MYH13: variants seen among roughly 807,000 people sequenced by gnomAD.
MYH13 encodes the protein myosin heavy chain 13.
A neutral mutation model predicts 232.1 loss-of-function variants in MYH13; 177 were observed. The observed-to-expected ratio is 0.76, with a 90% CI of 0.67 to 0.86. The LOEUF (loss-of-function observed/expected upper bound fraction) is 0.86. MYH13 is among the 40% of genes least tolerant of loss of function. The pLI, the probability that MYH13 is intolerant of heterozygous loss-of-function variation, is 0.00. For synonymous variants in MYH13, 884 were observed against 923.5 expected, an observed-to-expected ratio of 0.96 and a Z score of 0.78; for missense variants, 2,246 against 2,405.9, an observed-to-expected ratio of 0.93 and a Z score of 1.39.
intron 2 of MYH13, among the ~76,000 whole-genome samples, chr17:10,369,775 T>C (rs368220697): frequency 6.6e-5 from 10 of 152,362 alleles, no homozygotes; most frequent in African/African-American, 1.7e-4. Flanking sequence ...GTTTGAGTTA[T>C]CCCTCCATAT....
At chr17:10,346,855 G>A in intron 12 of MYH13, 57 bp from the exon 13 acceptor site, 1 of 1,284,588 alleles carries the variant, frequency 7.8e-7, no homozygotes, top group Non-Finnish European at 1.1e-6. Context: ...AAAGTGTCCA[G>A]TCAGCCCCTG....
chr17:10,322,834 C>A (rs1407938952), intron 23 of MYH13, among the ~76,000 whole-genome samples: 1 of 152,008 alleles, frequency 6.6e-6, no homozygotes, highest in Non-Finnish European at 1.5e-5. Context: ...GGGGTTTCAC[C>A]ATGTTAGCCA....
chr17:10,362,637 T>A (rs577224669), intron 3 of MYH13, 134 bp from the exon 4 acceptor site: 1 of 1,235,420 alleles, frequency 8.1e-7, no homozygotes, highest in African/African-American at 1.5e-5. Context: ...ATGGATCATT[T>A]CCATGCCCCA....
At chr17:10,323,631 T>C (rs911063013) in intron 23 of MYH13, among the ~76,000 whole-genome samples, 2 of 151,688 alleles carry the variant, frequency 1.3e-5, no homozygotes, top group African/African-American at 2.4e-5. Flanking sequence ...TGGTGGTGTG[T>C]GCCTGTAATC....
At chr17:10,369,689 A>T (rs1357430605) in intron 2 of MYH13, among the ~76,000 whole-genome samples, 1 of 146,524 alleles carries the variant, frequency 6.8e-6, no homozygotes, top group African/African-American at 2.4e-5. Context: ...GTTTTCAAGT[A>T]GAGATTTTTT....
Position 10,300,963 on chromosome 17 carries a change from CT to C in MYH13, c.5804del (p.Lys1935ArgfsTer27). The C allele has an allele frequency of 6.2e-7, 1 of 1,612,848 alleles. No homozygotes were observed. Among genetic ancestry groups the C allele is most frequent in the Non-Finnish European group, 8.5e-7 (1 of 1,179,206 alleles). On this transcript the variant is annotated frameshift_variant and splice_region_variant, in exon 41 of 41. Coordinates refer to ENST00000252172, the MANE Select transcript of MYH13 (RefSeq NM_003802.3). LOFTEE classifies it high-confidence loss of function. ...CATCAGGTGAGCCTCATTCTTCCAT[CT>C]TCTGTGGGAGAAAAAAATAATTGTA... ...RAKSRDVGSQ[K>X]MEE
chr17:10,356,992 C>T (rs1458959734), intron 8 of MYH13, among the ~76,000 whole-genome samples: 1 of 151,916 alleles, frequency 6.6e-6, no homozygotes. Flanking sequence ...ACAGAGTTGC[C>T]CTCTGTTGCC....
Position 10,312,594 on chromosome 17 carries a change from T to G in MYH13, c.4345A>C (p.Lys1449Gln). 6.2e-7 allele frequency: 1 copy of G among 1,613,100 alleles called. No individual in the cohort carries two copies. The highest frequency in any genetic ancestry group is 8.5e-7 in the Non-Finnish European group (1 of 1,179,596). ...SHTACATLDK[K>Q]QRNFDKVLAE... The stretch of plus-strand genomic sequence containing the variant: ...AGGACCTTGTCGAAGTTCCTCTGCT[T>G]CTTGTCCAGTGTGGCACAGGCGGTG... The change falls in exon 31 of 41, where the codon AAG (lysine) becomes CAG (glutamine). Residue 1449 changes from lysine (K) to glutamine (Q), a missense_variant. Physicochemically the swap from Lys to Gln is moderately conservative, Grantham distance 53. Coordinates refer to ENST00000252172, the MANE Select transcript of MYH13 (RefSeq NM_003802.3).
chr17:10,340,101 A>G, intron 18 of MYH13, 49 bp downstream of exon 18: 1 of 1,517,618 alleles, frequency 6.6e-7, no homozygotes, highest in South Asian at 1.2e-5. Flanking sequence ...CATTTATCTC[A>G]GGGCGTCCTG....
At chr17:10,346,891 A>G in intron 12 of MYH13, 93 bp from the exon 13 acceptor site, 1 of 884,090 alleles carries the variant, frequency 1.1e-6, no homozygotes, top group Non-Finnish European at 1.8e-6. Flanking sequence ...GTTTTCTGTA[A>G]TTTTCTTAAA....
chr17:10,357,689 A>G, intron 8 of MYH13, 46 bp downstream of exon 8: 1 of 1,543,574 alleles, frequency 6.5e-7, no homozygotes, highest in Non-Finnish European at 8.9e-7. Flanking sequence ...ATTTCAGGAG[A>G]GGGTATGCTT....
chr17:10,337,837 G>A (rs551429589), intron 18 of MYH13, among the ~76,000 whole-genome samples: 5 of 152,222 alleles, frequency 3.3e-5, no homozygotes, highest in Non-Finnish European at 5.9e-5. Context: ...GGCATATCAC[G>A]AGGTCAGGAG....
intron 3 of MYH13, among the ~76,000 whole-genome samples, chr17:10,362,785 C>G (rs2071804438): frequency 6.6e-6 from 1 of 152,126 alleles, no homozygotes; most frequent in Non-Finnish European, 1.5e-5. Context: ...CTTTGGAGCC[C>G]TTTGCCTCTG....
intron 38 of MYH13, 50 bp downstream of exon 38, chr17:10,303,344 T>C: frequency 6.2e-7 from 1 of 1,612,668 alleles, no homozygotes; most frequent in South Asian, 1.1e-5. Context: ...TCACTTCTGA[T>C]GGGGCTTGGT....
Position 10,324,218 on chromosome 17 carries a change from A to G in MYH13, c.2738T>C (p.Ile913Thr), listed in dbSNP as rs1196205099. The change falls in exon 23 of 41, where the codon ATC becomes ACC. Residue 913 changes from isoleucine (I) to threonine (T), a missense_variant. By Grantham distance (89) the Ile-to-Thr change is moderately conservative (BLOSUM62 -1). Transcript: ENST00000252172. ...MDAEERCEGLIKSKILLEAKV... is the reference protein window; with the variant it reads ...MDAEERCEGLTKSKILLEAKV... ...TGCTTCCAGTAGGATCTTGCTTTTG[A>G]TGAGTCCTTCACACCGTTCCTCAGC... 2 of 1,613,628 alleles carry G rather than the reference A, an allele frequency of 1.2e-6. No homozygotes were observed. Among genetic ancestry groups the G allele is most frequent in the Admixed American group, 1.7e-5 (1 of 59,968 alleles).
At chr17:10,329,851 A>G (rs939782318) in intron 21 of MYH13, among the ~76,000 whole-genome samples, 1 of 151,866 alleles carries the variant, frequency 6.6e-6, no homozygotes, top group African/African-American at 2.4e-5. Flanking sequence ...AAAAAACAAA[A>G]TAGCCGGGCG....
chr17:10,327,734 T>G, intron 22 of MYH13, 132 bp downstream of exon 22: 2 of 1,135,700 alleles, frequency 1.8e-6, no homozygotes, highest in Non-Finnish European at 2.5e-6. Context: ...AAGGTGGTGC[T>G]GCAATACTCC....
In MYH13 at chr17:10,301,718, GA is replaced by G; in HGVS notation, c.5668-16del. ...GCCTGCTCCTCCTGCACAGGAGACA[GA>G]GGGGGTATGACGCTGTAGAGCCTCT... On this transcript the variant is annotated splice_polypyrimidine_tract_variant and intron_variant, in intron 39 of 40. Transcript: ENST00000252172. 1.9e-6 allele frequency: 3 copies of G among 1,612,254 alleles called. No homozygotes were observed. The highest frequency in any genetic ancestry group is 2.5e-6 in the Non-Finnish European group (3 of 1,179,794).
At position 10,346,735 on chromosome 17, in the gene MYH13, C is replaced by T. The variant is rs1391753256; in HGVS notation, c.1208G>A (p.Cys403Tyr). ...TTCATTGCCAACCTTCACCCTTGGA[C>T]AGCACAGGCCCTTCAGCATTTCTGC... is the stretch of plus-strand genomic sequence containing the variant. The part of the protein sequence containing the change: ...NSAEMLKGLC[C>Y]PRVKVGNEYV... The change falls in exon 13 of 41, where the codon TGT becomes TAT. Residue 403 changes from cysteine (C) to tyrosine (Y), a missense_variant. Coordinates refer to ENST00000252172, the MANE Select transcript of MYH13 (RefSeq NM_003802.3). 2 of 1,613,906 alleles carry T rather than the reference C, an allele frequency of 1.2e-6. No individual in the cohort carries two copies. Among genetic ancestry groups the T allele is most frequent in the Non-Finnish European group, 1.7e-6 (2 of 1,179,894 alleles).
Sources: allele counts gnomAD v4.1 joint callset (sites outside exome capture counted in the v4.1 genomes callset), GRCh38; gene constraint gnomAD v4.1.1; transcripts MANE v1.5; gene names NCBI Gene and HGNC (gene_info 2026-07-23, HGNC 2026-07-21).